MAPKAP1: variants seen among roughly 807,000 people sequenced by gnomAD.
MAPKAP1 encodes target of rapamycin complex 2 subunit MAPKAP1.
A neutral mutation model predicts 65.7 loss-of-function variants in MAPKAP1; 20 were observed. That is an observed-to-expected ratio of 0.30 (90% confidence interval 0.21 to 0.44). The LOEUF is 0.44. MAPKAP1 is among the 20% of genes least tolerant of loss of function. The probability of loss-of-function intolerance (pLI) is 1.00; values close to 1 mark genes in which losing one functional copy is unlikely to be tolerated. For synonymous variants in MAPKAP1, 222 were observed against 244.3 expected, an observed-to-expected ratio of 0.91 and a Z score of 0.85; for missense variants, 423 against 648.0, an observed-to-expected ratio of 0.65 and a Z score of 3.77.
intron 4 of MAPKAP1, among the ~76,000 whole-genome samples, chr9:125,591,136 C>G (rs745502737): frequency 4.6e-5 from 7 of 152,200 alleles, no homozygotes; most frequent in African/African-American, 9.7e-5. Flanking sequence ...CTGCTCAACA[C>G]CCAATAACCA....
chr9:125,516,822 A>G (rs915483663), intron 7 of MAPKAP1, among the ~76,000 whole-genome samples: 7 of 152,366 alleles, frequency 4.6e-5, no homozygotes, highest in African/African-American at 1.7e-4. Flanking sequence ...CTAGCACATA[A>G]GTACTTAATA....
At chr9:125,670,164 T>C (rs1834454623) in intron 2 of MAPKAP1, among the ~76,000 whole-genome samples, 1 of 152,140 alleles carries the variant, frequency 6.6e-6, no homozygotes, top group African/African-American at 2.4e-5. Context: ...AAGAGAATAA[T>C]AAAATGTGAA....
At chr9:125,572,844 G>A (rs1831276603) in intron 5 of MAPKAP1, 1 of 152,126 alleles carries the variant, frequency 6.6e-6, no homozygotes, top group African/African-American at 2.4e-5. Context: ...TAGGAATACA[G>A]GACAAGCTTA....
intron 1 of MAPKAP1, among the ~76,000 whole-genome samples, chr9:125,693,622 TATATACAC>T (rs1453802618): frequency 1.3e-4 from 19 of 144,366 alleles, no homozygotes; most frequent in East Asian, 4.7e-4. Flanking sequence ...TATACACACA[TATATACAC>T]ATATACACAC....
intron 8 of MAPKAP1, among the ~76,000 whole-genome samples, chr9:125,494,787 T>TAAA (rs1854879629): frequency 6.6e-6 from 1 of 152,218 alleles, no homozygotes; most frequent in Non-Finnish European, 1.5e-5. Flanking sequence ...CTCCTTTTTC[T>TAAA]TCTTACTCAA....
At chr9:125,678,564 TG>T (rs1834725443) in intron 1 of MAPKAP1, among the ~76,000 whole-genome samples, 1 of 152,124 alleles carries the variant, frequency 6.6e-6, no homozygotes, top group South Asian at 2.1e-4. Context: ...ATATACTAGG[TG>T]GGTCTCCTTT....
At chr9:125,656,651 A>G (rs1480089217) in intron 4 of MAPKAP1, among the ~76,000 whole-genome samples, 3 of 152,178 alleles carry the variant, frequency 2.0e-5, no homozygotes, top group African/African-American at 7.2e-5. Context: ...ATCAAGCATA[A>G]GCAAAAAGCT....
intron 5 of MAPKAP1, among the ~76,000 whole-genome samples, chr9:125,584,679 A>G (rs529772): frequency 0.87 from 132,012 of 152,154 alleles, 58,853 homozygotes; most frequent in East Asian, 1. Context: ...CGCCCACCTC[A>G]GCCTTCCAAC....
chr9:125,581,650 A>T (rs966284998), intron 5 of MAPKAP1, among the ~76,000 whole-genome samples: 1 of 152,144 alleles, frequency 6.6e-6, no homozygotes, highest in African/African-American at 2.4e-5. Context: ...CATCCTCTTC[A>T]CAGGGTCTTT....
At chr9:125,491,695 C>T (rs998935637) in intron 8 of MAPKAP1, among the ~76,000 whole-genome samples, 1 of 151,282 alleles carries the variant, frequency 6.6e-6, no homozygotes, top group Non-Finnish European at 1.5e-5. Flanking sequence ...GTGGGAGGAT[C>T]GCTTGAGCCT....
Position 125,577,192 on chromosome 9 carries a change from G to A in MAPKAP1, c.671+8363C>T, listed in dbSNP as rs1468940906. ...TGCCGCCCCGTCCGGGATGTGAGGA[G>A]CGTCTCTGCCCGGCTGCCCCGTCTG... On this transcript the variant is annotated intron_variant, in intron 5 of 11. Transcript: ENST00000265960. Among the ~76,000 whole-genome samples, 4 of 151,976 alleles carry A rather than the reference G, an allele frequency of 2.6e-5. No individual in the cohort carries two copies. The East Asian group carries it at 7.8e-4, about 30-fold the overall frequency.
intron 4 of MAPKAP1, among the ~76,000 whole-genome samples, chr9:125,610,154 T>C (rs1832556873): frequency 6.6e-6 from 1 of 152,190 alleles, no homozygotes; most frequent in Non-Finnish European, 1.5e-5. Flanking sequence ...TTGCATGAAA[T>C]AAAGAGCCAT....
intron 7 of MAPKAP1, among the ~76,000 whole-genome samples, chr9:125,539,804 T>C (rs1374016073): frequency 2.0e-5 from 3 of 152,198 alleles, no homozygotes; most frequent in South Asian, 2.1e-4. Flanking sequence ...TCTTAAATAG[T>C]AGGGACTTCC....
At chr9:125,639,331 T>A (rs892376815) in intron 4 of MAPKAP1, among the ~76,000 whole-genome samples, 5 of 152,194 alleles carry the variant, frequency 3.3e-5, no homozygotes, top group African/African-American at 1.2e-4. Context: ...CTTAGCTGTA[T>A]GACCTAAGGC....
intron 7 of MAPKAP1, among the ~76,000 whole-genome samples, chr9:125,514,905 C>A (rs1483721636): frequency 6.6e-6 from 1 of 152,112 alleles, no homozygotes; most frequent in Admixed American, 6.6e-5. Context: ...CGTATCAGAG[C>A]TCGGACCCAA....
At chr9:125,576,571 C>A (rs1451996241) in intron 5 of MAPKAP1, among the ~76,000 whole-genome samples, 1 of 152,220 alleles carries the variant, frequency 6.6e-6, no homozygotes. Flanking sequence ...GATGCCCAGC[C>A]GAAGCTGGAC....
intron 2 of MAPKAP1, among the ~76,000 whole-genome samples, chr9:125,671,255 T>C (rs1366170882): frequency 6.6e-6 from 1 of 152,238 alleles, no homozygotes; most frequent in African/African-American, 2.4e-5. Context: ...CTTTAGATAC[T>C]GGGAAATGCT....
intron 1 of MAPKAP1, among the ~76,000 whole-genome samples, chr9:125,672,907 T>C (rs1463228159): frequency 6.6e-6 from 1 of 152,210 alleles, no homozygotes; most frequent in Non-Finnish European, 1.5e-5. Context: ...TCCTTACAAG[T>C]CAGGCCACTC....
At chr9:125,565,034 C>T (rs892600252) in intron 5 of MAPKAP1, among the ~76,000 whole-genome samples, 1 of 152,092 alleles carries the variant, frequency 6.6e-6, no homozygotes, top group Non-Finnish European at 1.5e-5. Flanking sequence ...CGAATGGATG[C>T]AAAATAGAGC....
Sources: gnomAD v4.1 joint callset for allele counts (sites outside exome capture counted in the v4.1 genomes callset) on GRCh38, gnomAD v4.1.1 for gene constraint, MANE v1.5 for transcripts, NCBI Gene and HGNC (gene_info 2026-07-23, HGNC 2026-07-21) for gene names.